The following ENTREP2 variants were observed in gnomAD, a reference collection of about 807,000 sequenced individuals.
ENTREP2 encodes endosomal transmembrane epsin interactor 2, also known as protein ENTREP2.
the ENTREP2 span, among the ~76,000 whole-genome samples, chr15:29,578,666 T>C: frequency 0.038 from 5,761 of 152,322 alleles, 157 homozygotes; most frequent in Non-Finnish European, 0.058. Flanking sequence ...ACGCACTTTA[T>C]GAATGCTGGC....
the ENTREP2 span, among the ~76,000 whole-genome samples, chr15:29,442,415 G>C: frequency 6.6e-6 from 1 of 152,178 alleles, no homozygotes; most frequent in Non-Finnish European, 1.5e-5. Flanking sequence ...AGGCTCTAAG[G>C]AGTGTAAAAA....
chr15:29,472,460 CACACACACACACAT>C, the ENTREP2 span, among the ~76,000 whole-genome samples: 588 of 144,234 alleles, frequency 4.1e-3, 6 homozygotes, highest in Middle Eastern at 6.9e-3. Context: ...CACACACACA[CACACACACACACAT>C]ATAAATTTGA....
chr15:29,659,395 C>G, the ENTREP2 span, among the ~76,000 whole-genome samples: 2 of 152,204 alleles, frequency 1.3e-5, no homozygotes, highest in East Asian at 3.9e-4. Flanking sequence ...TGCTTGAATC[C>G]GGGAAGCGGA....
chr15:29,204,332 T>A, the ENTREP2 span, among the ~76,000 whole-genome samples: 1 of 152,192 alleles, frequency 6.6e-6, no homozygotes, highest in Non-Finnish European at 1.5e-5. Flanking sequence ...GCCCCCACGA[T>A]TCTCTTACAG....
At chr15:29,312,743 T>G in the ENTREP2 span, among the ~76,000 whole-genome samples, 1 of 152,112 alleles carries the variant, frequency 6.6e-6, no homozygotes, top group Non-Finnish European at 1.5e-5. Flanking sequence ...ATCTGTTCCC[T>G]GAGACACAAC....
the ENTREP2 span, among the ~76,000 whole-genome samples, chr15:29,342,026 G>C: frequency 1.3e-5 from 2 of 152,206 alleles, no homozygotes; most frequent in Non-Finnish European, 2.9e-5. Context: ...AGCCCATAGA[G>C]GGGTAATGTT....
At chr15:29,272,345 T>C in the ENTREP2 span, among the ~76,000 whole-genome samples, 1 of 152,198 alleles carries the variant, frequency 6.6e-6, no homozygotes, top group African/African-American at 2.4e-5. Context: ...CCAATGATTA[T>C]AGTAGTTGCT....
chr15:29,566,591 G>A, the ENTREP2 span, among the ~76,000 whole-genome samples: 1 of 151,856 alleles, frequency 6.6e-6, no homozygotes, highest in Admixed American at 6.6e-5. Flanking sequence ...CAAGTACCTG[G>A]GATTACAGGT....
chr15:29,561,309 G>T, the ENTREP2 span, among the ~76,000 whole-genome samples: 1 of 152,016 alleles, frequency 6.6e-6, no homozygotes, highest in South Asian at 2.1e-4. Flanking sequence ...GTTCTAAAAT[G>T]AATTCATAAA....
the ENTREP2 span, among the ~76,000 whole-genome samples, chr15:29,182,816 A>C: frequency 1.3e-5 from 2 of 152,156 alleles, no homozygotes; most frequent in African/African-American, 4.8e-5. Context: ...ATGTGGTAAC[A>C]AGAGAGACAA....
the ENTREP2 span, among the ~76,000 whole-genome samples, chr15:29,312,360 A>G: frequency 6.6e-6 from 1 of 152,158 alleles, no homozygotes; most frequent in Non-Finnish European, 1.5e-5. Context: ...AGAAAATCTA[A>G]TAAGAAAGCT....
chr15:29,321,789 C>G, the ENTREP2 span, among the ~76,000 whole-genome samples: 2 of 151,424 alleles, frequency 1.3e-5, no homozygotes, highest in Admixed American at 1.3e-4. Flanking sequence ...CATATGGACA[C>G]AGGGAGGGGA....
chr15:29,367,686 G>T, the ENTREP2 span, among the ~76,000 whole-genome samples: 27,439 of 152,022 alleles, frequency 0.18, 2,736 homozygotes, highest in East Asian at 0.38. Context: ...TGCAGAATGT[G>T]GAAGGTGTGC....
the ENTREP2 span, among the ~76,000 whole-genome samples, chr15:29,466,244 G>A: frequency 5.1e-3 from 769 of 152,204 alleles, 7 homozygotes; most frequent in African/African-American, 0.018. Context: ...AAAGCAGTGA[G>A]AGAGACTACA....
the ENTREP2 span, among the ~76,000 whole-genome samples, chr15:29,219,711 G>A: frequency 7.4e-6 from 1 of 135,400 alleles, no homozygotes; most frequent in African/African-American, 2.7e-5. Context: ...AATGGCATTT[G>A]CAGTGACCTG....
chr15:29,581,951 T>TC, the ENTREP2 span, among the ~76,000 whole-genome samples: 2 of 151,758 alleles, frequency 1.3e-5, no homozygotes, highest in African/African-American at 4.8e-5. Flanking sequence ...GGTTTTTTTT[T>TC]TTTTTTTTTA....
chr15:29,613,293 T>C, the ENTREP2 span: 1 of 193,948 alleles, frequency 5.2e-6, no homozygotes, highest in Non-Finnish European at 1.1e-5. Flanking sequence ...TGCTTAGATC[T>C]GCAGACCAGA....
At chr15:29,364,716 A>G in the ENTREP2 span, among the ~76,000 whole-genome samples, 49,396 of 152,008 alleles carry the variant, frequency 0.32, 9,514 homozygotes, top group African/African-American at 0.53. Flanking sequence ...TTTGGGGGTG[A>G]TGCCTTTAAA....
chr15:29,423,281 T>C, the ENTREP2 span, among the ~76,000 whole-genome samples: 1 of 152,180 alleles, frequency 6.6e-6, no homozygotes, highest in Non-Finnish European at 1.5e-5. Flanking sequence ...GAAATTATAG[T>C]GGGAATTCAG....
Sources: allele counts gnomAD v4.1 joint callset (sites outside exome capture counted in the v4.1 genomes callset), GRCh38; gene constraint gnomAD v4.1.1; transcripts MANE v1.5; gene names NCBI Gene and HGNC (gene_info 2026-07-23, HGNC 2026-07-21).